The following CYB5R4 variants were observed in gnomAD, a reference collection of about 807,000 sequenced individuals.
CYB5R4 encodes the protein N-terminal cytochrome b5 and cytochrome b5 oxidoreductase domain-containing protein.
In CYB5R4, 55 loss-of-function variants were observed where a neutral mutation model predicts 70.2. The observed-to-expected ratio is 0.78, with a 90% CI of 0.63 to 0.98. The LOEUF is 0.98. Ranked by LOEUF, CYB5R4 falls within the 50% of genes least tolerant of loss-of-function variation. CYB5R4 has a pLI of 0.00. For missense variants in CYB5R4, 562 were observed against 612.6 expected (o/e 0.92, Z 0.87); for synonymous variants, 197 against 199.5 (o/e 0.99, Z 0.11).
Position 83,963,732 on chromosome 6 carries a change from G to C in CYB5R4, c.*3854G>C, listed in dbSNP as rs960848400. On this transcript the variant is annotated 3_prime_UTR_variant, in exon 16 of 16. Coordinates refer to ENST00000369681, the MANE Select transcript of CYB5R4 (RefSeq NM_016230.4). The stretch of plus-strand genomic sequence containing the variant: ...CATTATCTTGGGTGCAGCATTACAC[G>C]TAGAGTTAAAATGTGGAAACAACCC... The C allele has an allele frequency of 6.6e-6, 1 of 152,110 alleles. No individual in the cohort carries two copies. The highest frequency in any genetic ancestry group is 1.5e-5 in the Non-Finnish European group (1 of 68,046). 9.4% of individuals were successfully genotyped at this position (152,110 alleles called of 1,614,324 possible).
intron 14 of CYB5R4, among the ~76,000 whole-genome samples, chr6:83,941,303 C>T (rs2099469725): frequency 6.6e-6 from 1 of 152,138 alleles, no homozygotes. Context: ...TGCTCCATTT[C>T]CCCTAAAAAG....
intron 13 of CYB5R4, 80 bp downstream of exon 13, chr6:83,940,286 G>A: frequency 7.6e-7 from 1 of 1,315,922 alleles, no homozygotes; most frequent in Non-Finnish European, 1.0e-6. Flanking sequence ...ATTACTCACT[G>A]GACCTTAATA....
At chr6:83,919,830 A>G (rs1488700017) in intron 7 of CYB5R4, among the ~76,000 whole-genome samples, 3 of 151,124 alleles carry the variant, frequency 2.0e-5, no homozygotes, top group African/African-American at 7.3e-5. Context: ...AATGAATCTC[A>G]GTTAACATCA....
chr6:83,966,656 A>T lies in CYB5R4; in HGVS notation c.*6778A>T, dbSNP rs1168356513. 3 of 152,258 alleles carry T rather than the reference A, an allele frequency of 2.0e-5. No homozygotes were observed. The highest frequency in any genetic ancestry group is 7.2e-5 in the African/African-American group (3 of 41,454). 9.4% of individuals were successfully genotyped at this position (152,258 alleles called of 1,614,324 possible). A position where few individuals can be genotyped will look rare whatever the true frequency, so the allele number is the denominator to read the frequency against. On this transcript the variant is annotated 3_prime_UTR_variant, in exon 16 of 16. Transcript: ENST00000369681. ...CGGTGAGCCGAGATTGCACCTTTGC[A>T]CTCCAGCCTGGGCAACAAGAGTGAA...
At chr6:83,945,461 A>G (rs2099470431) in intron 14 of CYB5R4, among the ~76,000 whole-genome samples, 1 of 152,236 alleles carries the variant, frequency 6.6e-6, no homozygotes, top group Admixed American at 6.5e-5. Flanking sequence ...TGCCTACAGG[A>G]GAAAGCGGGA....
chr6:83,921,263 AT>A, intron 8 of CYB5R4, 88 bp downstream of exon 8: 1 of 1,124,078 alleles, frequency 8.9e-7, no homozygotes, highest in Non-Finnish European at 1.2e-6. Flanking sequence ...TAACTGTAAT[AT>A]TTTATCTGCT....
intron 2 of CYB5R4, among the ~76,000 whole-genome samples, chr6:83,887,767 G>A (rs977945007): frequency 9.0e-6 from 1 of 111,144 alleles, no homozygotes; most frequent in Non-Finnish European, 1.8e-5. Flanking sequence ...TAAAGTATCA[G>A]CATAAAGGAG....
At chr6:83,921,273 CTGTTACCATTTTGGTT>C (rs1347215471) in intron 8 of CYB5R4, 98 bp downstream of exon 8, 123 of 1,074,064 alleles carry the variant, frequency 1.1e-4, no homozygotes, top group Middle Eastern at 6.6e-4. Flanking sequence ...ATTTTATCTG[CTGTTACCATTTTGGTT>C]TGTCATTTTT....
intron 9 of CYB5R4, among the ~76,000 whole-genome samples, chr6:83,924,159 T>G (rs1367235072): frequency 2.0e-5 from 3 of 149,974 alleles, no homozygotes; most frequent in South Asian, 2.1e-4. Context: ...TTTTTTTTTT[T>G]GTTAGCTTTA....
In CYB5R4 at chr6:83,864,159, C is replaced by T; in HGVS notation, c.76-16C>T. On this transcript the variant is annotated splice_polypyrimidine_tract_variant and intron_variant, in intron 1 of 15. Coordinates refer to ENST00000369681, the MANE Select transcript of CYB5R4 (RefSeq NM_016230.4). ...GTAATGAAGCTAGATTTAATTCTTC[C>T]TTTTTCCATTTTTAGGTACCTTTAA... The T allele has an allele frequency of 1.3e-6, 2 of 1,532,250 alleles. No individual in the cohort carries two copies. The highest frequency in any genetic ancestry group is 2.4e-5 in the East Asian group (1 of 42,368). The allele number at this position is 1,532,250 out of a possible 1,614,324, so 94.9% of individuals were successfully genotyped here. A position where few individuals can be genotyped will look rare whatever the true frequency, so the allele number is the denominator to read the frequency against.
In CYB5R4 at chr6:83,932,047, G is replaced by A. The variant is rs192507591; in HGVS notation, c.815-2548G>A. ...TTCCCACCTATGAGTGAGAACATGCGGTGTTTAGTTTTTTGTCCTTGTGAT... is the reference window on the plus strand; with the variant it reads ...TTCCCACCTATGAGTGAGAACATGCAGTGTTTAGTTTTTTGTCCTTGTGAT... On this transcript the variant is annotated intron_variant, in intron 10 of 15. Transcript: ENST00000369681. 1.7e-4 allele frequency among the ~76,000 whole-genome samples: 26 copies of A among 150,776 alleles called. No individual in the cohort carries two copies. The East Asian group carries it at 4.3e-3, about 25-fold the overall frequency.
intron 3 of CYB5R4, among the ~76,000 whole-genome samples, chr6:83,902,391 A>C (rs527244499): frequency 6.6e-6 from 1 of 152,060 alleles, no homozygotes; most frequent in Non-Finnish European, 1.5e-5. Flanking sequence ...GTCTAGTTTC[A>C]TACCAATACT....
At chr6:83,938,989 C>A (rs946502964) in intron 12 of CYB5R4, among the ~76,000 whole-genome samples, 4 of 151,952 alleles carry the variant, frequency 2.6e-5, no homozygotes, top group Non-Finnish European at 5.9e-5. Flanking sequence ...CATGTGCCAC[C>A]ATGCCTGGCT....
intron 14 of CYB5R4, among the ~76,000 whole-genome samples, chr6:83,952,630 A>T (rs1046963357): frequency 1.3e-5 from 2 of 152,088 alleles, no homozygotes; most frequent in African/African-American, 4.8e-5. Flanking sequence ...CTAAAAATAA[A>T]CCCATTAAAC....
chr6:83,908,383 A>G (rs975611219), intron 3 of CYB5R4, among the ~76,000 whole-genome samples: 8 of 152,190 alleles, frequency 5.3e-5, no homozygotes, highest in African/African-American at 1.7e-4. Context: ...GCCTAGTTGC[A>G]TTTGCAAATC....
chr6:83,929,107 A>G (rs1177773707), intron 10 of CYB5R4, among the ~76,000 whole-genome samples: 1 of 152,190 alleles, frequency 6.6e-6, no homozygotes, highest in East Asian at 1.9e-4. Flanking sequence ...ATTTCACTGC[A>G]TTAGCAAAGA....
intron 12 of CYB5R4, 113 bp from the exon 13 acceptor site, chr6:83,939,943 A>G: frequency 1.5e-6 from 1 of 674,352 alleles, no homozygotes; most frequent in Non-Finnish European, 2.6e-6. Context: ...TTATACTGTT[A>G]CTCCTCAGTG....
At chr6:83,945,965 T>C (rs2099470546) in intron 14 of CYB5R4, among the ~76,000 whole-genome samples, 1 of 152,130 alleles carries the variant, frequency 6.6e-6, no homozygotes, top group Non-Finnish European at 1.5e-5. Context: ...CAGGACCAGA[T>C]GGATTTACAG....
At chr6:83,939,988 C>T in intron 12 of CYB5R4, 68 bp from the exon 13 acceptor site, 7 of 1,198,008 alleles carry the variant, frequency 5.8e-6, no homozygotes, top group Admixed American at 2.4e-5. Flanking sequence ...TCTTAGTTTC[C>T]CCGCTGGGTT....
Sources: allele counts gnomAD v4.1 joint callset (sites outside exome capture counted in the v4.1 genomes callset), GRCh38; gene constraint gnomAD v4.1.1; transcripts MANE v1.5; gene names NCBI Gene and HGNC (gene_info 2026-07-23, HGNC 2026-07-21).